Variants in ATAD5 observed in about 807,000 individuals in gnomAD.
ATAD5 encodes ATPase family AAA domain containing 5, also known as ATPase family AAA domain-containing protein 5.
A neutral mutation model predicts 176.9 loss-of-function variants in ATAD5; 58 were observed. That is an observed-to-expected ratio of 0.33 (90% CI 0.27 to 0.41). ATAD5 has a LOEUF of 0.41. Among genes scored for constraint, ATAD5 ranks in the 10% least tolerant of loss-of-function variants. The probability of loss-of-function intolerance (pLI) is 1.00; values close to 1 mark genes in which losing one functional copy is unlikely to be tolerated. For synonymous variants in ATAD5, 640 were observed against 712.6 expected, an observed-to-expected ratio of 0.90 and a Z score of 1.62; for missense variants, 1,789 against 2,094.1, an observed-to-expected ratio of 0.85 and a Z score of 2.84.
Position 30,835,655 on chromosome 17 carries a change from C to T in ATAD5, c.1574C>T (p.Thr525Ile). ...QNRMSLRQRK[T>I]EFFKSSTLFN... is the part of the protein sequence containing the mutation. The stretch of plus-strand genomic sequence containing the variant: ...AGAATGAGTTTAAGACAAAGGAAAA[C>T]AGAGTTTTTCAAAAGCAGCACTTTA... Residue 525 changes from threonine (T) to isoleucine (I), a missense_variant, in exon 2 of 23, where the codon ACA becomes ATA. Physicochemically the swap from Thr to Ile is moderately conservative, Grantham distance 89. Coordinates refer to ENST00000321990, the MANE Select transcript of ATAD5 (RefSeq NM_024857.5). The T allele has an allele frequency of 6.2e-7, 1 of 1,603,578 alleles. No individual in the cohort carries two copies. Among genetic ancestry groups the T allele is most frequent in the Non-Finnish European group, 8.5e-7 (1 of 1,176,890 alleles).
At chr17:30,853,609 T>G (rs1300926459) in intron 6 of ATAD5, among the ~76,000 whole-genome samples, 2 of 152,216 alleles carry the variant, frequency 1.3e-5, no homozygotes, top group Non-Finnish European at 2.9e-5. Context: ...GTAGTCTCTT[T>G]TGAATTACCA....
chr17:30,877,980 A>T, intron 16 of ATAD5, 23 bp from the exon 17 acceptor site: 1 of 1,473,804 alleles, frequency 6.8e-7, no homozygotes. Context: ...GTATTAATAT[A>T]TTAATATTCT....
chr17:30,889,603 A>T (rs1376516732), intron 19 of ATAD5, among the ~76,000 whole-genome samples: 1 of 150,862 alleles, frequency 6.6e-6, no homozygotes, highest in Non-Finnish European at 1.5e-5. Flanking sequence ...TTTATTTCTT[A>T]TTTTTTTTCA....
intron 10 of ATAD5, among the ~76,000 whole-genome samples, chr17:30,863,257 A>G (rs1239111952): frequency 2.0e-5 from 3 of 152,108 alleles, no homozygotes; most frequent in Non-Finnish European, 2.9e-5. Context: ...CTGTGGTAGC[A>G]TGATCTGGAC....
At position 30,832,039 on chromosome 17, in the gene ATAD5, T is replaced by G. The variant is rs1400105431; in HGVS notation, c.-309T>G. 2.7e-6 allele frequency: 1 copy of G among 375,806 alleles called. No individual in the cohort carries two copies. The highest frequency in any genetic ancestry group is 3.8e-5 in the East Asian group (1 of 26,176). 23.3% of individuals were successfully genotyped at this position (375,806 alleles called of 1,614,324 possible). On this transcript the variant is annotated 5_prime_UTR_variant, in exon 1 of 23. Coordinates refer to ENST00000321990, the MANE Select transcript of ATAD5 (RefSeq NM_024857.5). ...CTCTGTGGTCCGATCTGCGGTCCGC[T>G]TGCTTTCCCTGCCCGGTCCCGAGCG...
chr17:30,862,310 G>A (rs1466587828), intron 10 of ATAD5, among the ~76,000 whole-genome samples: 1 of 150,906 alleles, frequency 6.6e-6, no homozygotes, highest in Non-Finnish European at 1.5e-5. Context: ...CTCCAGCCCA[G>A]GAGACAGAGC....
chr17:30,860,462 A>G lies in ATAD5; in HGVS notation c.2986A>G (p.Thr996Ala). 6.3e-7 allele frequency: 1 copy of G among 1,595,248 alleles called. No individual in the cohort carries two copies. Among genetic ancestry groups the G allele is most frequent in the African/African-American group, 1.4e-5 (1 of 73,354 alleles). The part of the protein sequence containing the change: ...ELEADVSHKE[T>A]KRKLVEAENS... ...GGAGGCTGATGTCAGCCATAAAGAAACCAAAAGGAAACTCGTAGAAGCAGA... is the reference window on the plus strand; with the variant it reads ...GGAGGCTGATGTCAGCCATAAAGAAGCCAAAAGGAAACTCGTAGAAGCAGA... Residue 996 changes from threonine (T) to alanine (A), a missense_variant, in exon 10 of 23, where the codon ACC becomes GCC. This residue lies in a region of ATAD5 where 487 missense variants were observed against 573.6 expected (regional missense o/e 0.85). Transcript: ENST00000321990.
Position 30,887,191 on chromosome 17 carries a change from G to A in ATAD5, c.4078-1G>A. Reference sequence around the variant, plus strand: ...ACCACATTTCTCTCTCTGTTTTGAAGCTAAATGTTGCCAGCTACCTACAAA... The same window carrying A: ...ACCACATTTCTCTCTCTGTTTTGAAACTAAATGTTGCCAGCTACCTACAAA... On this transcript the variant is annotated splice_acceptor_variant, in intron 18 of 22. Coordinates refer to ENST00000321990, the MANE Select transcript of ATAD5 (RefSeq NM_024857.5). LOFTEE classifies it high-confidence loss of function. The A allele has an allele frequency of 6.3e-7, 1 of 1,575,324 alleles. No homozygotes were observed. Among genetic ancestry groups the A allele is most frequent in the South Asian group, 1.2e-5 (1 of 84,184 alleles).
At chr17:30,874,463 C>A (rs1216025168) in intron 14 of ATAD5, among the ~76,000 whole-genome samples, 1 of 144,996 alleles carries the variant, frequency 6.9e-6, no homozygotes, top group African/African-American at 2.5e-5. Context: ...ATTACTTGAA[C>A]CCGGAAGGCA....
At chr17:30,886,620 T>C (rs532151667) in intron 18 of ATAD5, among the ~76,000 whole-genome samples, 3 of 151,798 alleles carry the variant, frequency 2.0e-5, no homozygotes, top group African/African-American at 7.2e-5. Context: ...CCTCTCTCAA[T>C]TTCTTGGCCA....
At chr17:30,882,310 C>T (rs1567698011) in intron 18 of ATAD5, among the ~76,000 whole-genome samples, 2 of 151,830 alleles carry the variant, frequency 1.3e-5, no homozygotes, top group South Asian at 4.1e-4. Context: ...TGCCTATAAT[C>T]CTAGCACTTT....
At chr17:30,869,135 T>C in intron 12 of ATAD5, 113 bp from the exon 13 acceptor site, 1 of 1,294,674 alleles carries the variant, frequency 7.7e-7, no homozygotes, top group East Asian at 2.3e-5. Flanking sequence ...CTGTATAAAG[T>C]AATTTTTCAG....
At chr17:30,859,958 A>T (rs1197946357) in intron 9 of ATAD5, among the ~76,000 whole-genome samples, 1 of 147,310 alleles carries the variant, frequency 6.8e-6, no homozygotes, top group East Asian at 2.0e-4. Context: ...TCCTGACCTC[A>T]GGTGATCCAC....
At chr17:30,876,702 C>CTTTTTTTTTTTTT (rs202065630) in intron 15 of ATAD5, 152 bp downstream of exon 15, 2 of 125,966 alleles carry the variant, frequency 1.6e-5, no homozygotes, top group Non-Finnish European at 1.5e-5. Flanking sequence ...ATTTTGTTTC[C>CTTTTTTTTTTTTT]TTTTTTTTTT....
intron 18 of ATAD5, among the ~76,000 whole-genome samples, chr17:30,884,313 G>C (rs73263776): frequency 0.11 from 15,961 of 151,256 alleles, 955 homozygotes; most frequent in South Asian, 0.24. Context: ...GAGCCATCGC[G>C]CCAGGCTGTG....
In ATAD5 at chr17:30,868,426, C is replaced by CTTT; in HGVS notation, c.3313+27_3313+29dup. The CTTT allele has an allele frequency of 1.6e-5, 19 of 1,220,690 alleles. No homozygotes were observed. Among genetic ancestry groups the CTTT allele is most frequent in the South Asian group, 3.9e-5 (2 of 50,776 alleles). 75.6% of individuals were successfully genotyped at this position (1,220,690 alleles called of 1,614,324 possible). A position where few individuals can be genotyped will look rare whatever the true frequency, so the allele number is the denominator to read the frequency against. On this transcript the variant is annotated intron_variant, in intron 12 of 22. Transcript: ENST00000321990. ...AGAAACATGAAGGTATTTTGTGTGT[C>CTTT]TTTTTTTTTTTTTTTACCATTTCAC...
At chr17:30,851,982 A>G (rs974045686) in intron 6 of ATAD5, among the ~76,000 whole-genome samples, 1 of 152,220 alleles carries the variant, frequency 6.6e-6, no homozygotes, top group Non-Finnish European at 1.5e-5. Flanking sequence ...CCACCTGGCC[A>G]AATGCCAAAA....
intron 4 of ATAD5, 43 bp from the exon 5 acceptor site, chr17:30,843,870 A>C: frequency 8.9e-7 from 1 of 1,121,628 alleles, no homozygotes. Context: ...AATGATATTA[A>C]TTATATGATT....
In ATAD5 at chr17:30,834,721, G is replaced by A. The variant is rs1182841131; in HGVS notation, c.640G>A (p.Val214Ile). The A allele has an allele frequency of 1.9e-6, 3 of 1,613,466 alleles. No individual in the cohort carries two copies. The South Asian group carries it at 3.3e-5, about 18-fold the overall frequency. ...GAGAAAAAGGAAATGCAGAGATGTAGTAGATCTATCTGAAAGCTTACCCTT... is the reference window on the plus strand; with the variant it reads ...GAGAAAAAGGAAATGCAGAGATGTAATAGATCTATCTGAAAGCTTACCCTT... ...KLRKRKCRDV[V>I]DLSESLPLAE... Residue 214 changes from valine to isoleucine, a missense_variant, in exon 2 of 23, where the codon GTA (valine) becomes ATA (isoleucine). Around this residue, in one of 6 missense-constraint regions of ATAD5, gnomAD observed 696 missense variants for 712.5 expected, o/e 0.98. Coordinates refer to ENST00000321990, the MANE Select transcript of ATAD5 (RefSeq NM_024857.5).
Sources: allele counts gnomAD v4.1 joint callset (sites outside exome capture counted in the v4.1 genomes callset), GRCh38; gene constraint gnomAD v4.1.1; regional missense constraint gnomAD v4.1.1; transcripts MANE v1.5; gene names NCBI Gene and HGNC (gene_info 2026-07-23, HGNC 2026-07-21).